Variants in SLIT2 observed in about 807,000 individuals in gnomAD.
The protein encoded by SLIT2 is slit homolog 2 protein.
Under a neutral mutation model 185.7 loss-of-function variants are expected in SLIT2, and 41 were observed. That is an observed-to-expected ratio of 0.22 (90% confidence interval 0.17 to 0.29). The LOEUF (loss-of-function observed/expected upper bound fraction) is 0.29. SLIT2 is among the 10% of genes least tolerant of loss of function. The pLI is 1.00. For missense variants in SLIT2, 1,571 were observed against 1,909.0 expected (o/e 0.82, Z 3.30); for synonymous variants, 693 against 680.2 (o/e 1.02, Z -0.29).
chr4:20,269,063 T>G lies in SLIT2; in HGVS notation c.395+182T>G, dbSNP rs527451608. 2.0e-5 allele frequency among the ~76,000 whole-genome samples: 3 copies of G among 152,050 alleles called. No individual in the cohort carries two copies. The South Asian group carries it at 6.2e-4, about 31-fold the overall frequency. On this transcript the variant is annotated intron_variant, in intron 4 of 36. Coordinates refer to ENST00000504154, the MANE Select transcript of SLIT2 (RefSeq NM_004787.4). ...TTTTCTAGTGGTTCCAGTTGTTTTA[T>G]TTGGTTAGGATTTAGCGGTTTATGT...
chr4:20,503,545 G>A (rs1718925874), intron 9 of SLIT2, among the ~76,000 whole-genome samples: 1 of 150,840 alleles, frequency 6.6e-6, no homozygotes, highest in African/African-American at 2.4e-5. Flanking sequence ...AAATCTGTGG[G>A]CCATGTGCCT....
intron 4 of SLIT2, among the ~76,000 whole-genome samples, chr4:20,285,610 G>A (rs1169068735): frequency 2.0e-5 from 3 of 152,144 alleles, no homozygotes; most frequent in Non-Finnish European, 4.4e-5. Context: ...GTGCAGTGGT[G>A]TGATCTCAGC....
At chr4:20,463,747 G>A (rs1714039347) in intron 4 of SLIT2, among the ~76,000 whole-genome samples, 1 of 150,630 alleles carries the variant, frequency 6.6e-6, no homozygotes, top group South Asian at 2.1e-4. Context: ...TTGGTGGCGG[G>A]TGCCTGTAGT....
chr4:20,539,702 AAGG>A, intron 19 of SLIT2, 118 bp downstream of exon 19: 1 of 631,460 alleles, frequency 1.6e-6, no homozygotes, highest in Non-Finnish European at 2.4e-6. Context: ...GGACTTAAAA[AAGG>A]ACAAACTTGT....
At chr4:20,465,770 A>G (rs1156646311) in intron 4 of SLIT2, among the ~76,000 whole-genome samples, 1 of 152,140 alleles carries the variant, frequency 6.6e-6, no homozygotes, top group Non-Finnish European at 1.5e-5. Context: ...CATCTCCCTG[A>G]CTTTCCGCCC....
intron 5 of SLIT2, among the ~76,000 whole-genome samples, chr4:20,479,942 T>C (rs1258949553): frequency 6.6e-6 from 1 of 152,202 alleles, no homozygotes. Context: ...TTAGTGGCTT[T>C]AACCAAAATT....
intron 4 of SLIT2, among the ~76,000 whole-genome samples, chr4:20,443,609 A>AAAAAG (rs1729938313): frequency 7.0e-6 from 1 of 141,936 alleles, no homozygotes; most frequent in Non-Finnish European, 1.6e-5. Flanking sequence ...AAAAAAAAAA[A>AAAAAG]GAGTAATTTG....
intron 5 of SLIT2, among the ~76,000 whole-genome samples, chr4:20,469,446 T>C (rs976259966): frequency 3.9e-5 from 6 of 152,174 alleles, no homozygotes; most frequent in African/African-American, 1.4e-4. Context: ...AGAATTCTTC[T>C]TTATATATTT....
At chr4:20,411,098 G>A (rs1410460261) in intron 4 of SLIT2, among the ~76,000 whole-genome samples, 1 of 152,104 alleles carries the variant, frequency 6.6e-6, no homozygotes, top group Non-Finnish European at 1.5e-5. Context: ...TTTGAGCAGT[G>A]GTTTGTAGTT....
At chr4:20,385,872 A>G (rs1207007116) in intron 4 of SLIT2, among the ~76,000 whole-genome samples, 4 of 152,176 alleles carry the variant, frequency 2.6e-5, no homozygotes, top group Non-Finnish European at 5.9e-5. Flanking sequence ...TTTCTTCTGC[A>G]AATTTTGCTT....
intron 26 of SLIT2, among the ~76,000 whole-genome samples, chr4:20,566,681 G>A (rs537655619): frequency 1.3e-5 from 2 of 152,028 alleles, no homozygotes; most frequent in African/African-American, 4.8e-5. Context: ...AAGGAAATGA[G>A]GGAGATGATA....
chr4:20,511,165 A>G (rs775873783), intron 11 of SLIT2, 28 bp downstream of exon 11: 1 of 1,423,310 alleles, frequency 7.0e-7, no homozygotes, highest in East Asian at 2.3e-5. Context: ...CACTGAAGGA[A>G]AAGAGAAGCC....
At chr4:20,525,463 C>T (rs1163211735) in intron 15 of SLIT2, among the ~76,000 whole-genome samples, 1 of 152,070 alleles carries the variant, frequency 6.6e-6, no homozygotes, top group Non-Finnish European at 1.5e-5. Context: ...TGGCTTTCTA[C>T]TTAAATCATT....
intron 4 of SLIT2, among the ~76,000 whole-genome samples, chr4:20,308,811 T>A (rs1337568876): frequency 6.6e-6 from 1 of 152,212 alleles, no homozygotes; most frequent in Admixed American, 6.5e-5. Context: ...AGTTTCTAGT[T>A]GTACATATGT....
intron 4 of SLIT2, among the ~76,000 whole-genome samples, chr4:20,464,059 C>G (rs1157897727): frequency 6.6e-6 from 1 of 151,970 alleles, no homozygotes; most frequent in African/African-American, 2.4e-5. Flanking sequence ...CTTCATGCAT[C>G]CCTAATATCA....
At chr4:20,462,858 C>G (rs1371287434) in intron 4 of SLIT2, among the ~76,000 whole-genome samples, 1 of 152,160 alleles carries the variant, frequency 6.6e-6, no homozygotes, top group Non-Finnish European at 1.5e-5. Flanking sequence ...AAATGTCTCA[C>G]ATCGACTACA....
intron 33 of SLIT2, among the ~76,000 whole-genome samples, chr4:20,606,849 C>T (rs1197097394): frequency 6.6e-6 from 1 of 152,282 alleles, no homozygotes; most frequent in East Asian, 1.9e-4. Context: ...TACTATAGAA[C>T]TTTATTCCCA....
At chr4:20,285,037 A>C (rs1248219424) in intron 4 of SLIT2, among the ~76,000 whole-genome samples, 1 of 152,238 alleles carries the variant, frequency 6.6e-6, no homozygotes, top group Non-Finnish European at 1.5e-5. Flanking sequence ...TCACTGTATT[A>C]CATCCAGCAA....
chr4:20,409,055 G>A (rs1387635116), intron 4 of SLIT2, among the ~76,000 whole-genome samples: 1 of 151,696 alleles, frequency 6.6e-6, no homozygotes, highest in African/African-American at 2.4e-5. Flanking sequence ...AAGCTGCCAT[G>A]TTTTTCCTTT....
Sources: gnomAD v4.1 joint callset for allele counts (sites outside exome capture counted in the v4.1 genomes callset) on GRCh38, gnomAD v4.1.1 for gene constraint, MANE v1.5 for transcripts, NCBI Gene and HGNC (gene_info 2026-07-23, HGNC 2026-07-21) for gene names.